CLDN16: variants seen among roughly 807,000 people sequenced by gnomAD.
The protein encoded by CLDN16 is claudin-16.
CLDN16 carries 13 observed loss-of-function variants against 24.6 expected under a neutral mutation model. The ratio of observed to expected loss-of-function variants is 0.53; its 90% CI spans 0.34 to 0.84. The LOEUF (loss-of-function observed/expected upper bound fraction) is 0.84. Ranked by LOEUF, CLDN16 falls within the 40% of genes least tolerant of loss-of-function variation. The pLI, the probability that CLDN16 is intolerant of heterozygous loss-of-function variation, is 0.01. For synonymous variants in CLDN16, 116 were observed against 106.7 expected, an observed-to-expected ratio of 1.09 and a Z score of -0.54; for missense variants, 298 against 292.7, an observed-to-expected ratio of 1.02 and a Z score of -0.13.
At chr3:190,381,425 A>G (rs1193710747) in intron 3 of CLDN16, among the ~76,000 whole-genome samples, 1 of 152,134 alleles carries the variant, frequency 6.6e-6, no homozygotes, top group Non-Finnish European at 1.5e-5. Flanking sequence ...GGAACTGAAG[A>G]TCTTCCACAA....
chr3:190,406,408 T>G (rs1719097753), intron 3 of CLDN16, among the ~76,000 whole-genome samples: 1 of 152,228 alleles, frequency 6.6e-6, no homozygotes, highest in Admixed American at 6.5e-5. Flanking sequence ...TATTTACGGC[T>G]ATATAATTTT....
At chr3:190,346,887 C>G (rs774047672) in intron 1 of CLDN16, among the ~76,000 whole-genome samples, 1 of 152,148 alleles carries the variant, frequency 6.6e-6, no homozygotes, top group Non-Finnish European at 1.5e-5. Flanking sequence ...ATAAGGACAT[C>G]AGTTATTGTA....
intron 4 of CLDN16, among the ~76,000 whole-genome samples, chr3:190,409,450 T>C (rs980326976): frequency 8.6e-5 from 13 of 151,900 alleles, no homozygotes; most frequent in African/African-American, 3.1e-4. Context: ...TACATTTGAA[T>C]ATTGGACATG....
the CLDN16 span, among the ~76,000 whole-genome samples, chr3:190,315,822 T>C: frequency 6.6e-6 from 1 of 152,024 alleles, no homozygotes; most frequent in Non-Finnish European, 1.5e-5. Flanking sequence ...GATCGCAGAG[T>C]AGTCTTCAAG....
At chr3:190,392,045 A>C (rs1206931208) in intron 1 of CLDN16, among the ~76,000 whole-genome samples, 1 of 133,648 alleles carries the variant, frequency 7.5e-6, no homozygotes, top group African/African-American at 2.6e-5. Context: ...GTTGTTTCTA[A>C]GGTCCTTTTC....
the CLDN16 span, among the ~76,000 whole-genome samples, chr3:190,293,284 C>T: frequency 1.3e-5 from 2 of 152,150 alleles, no homozygotes; most frequent in Admixed American, 6.5e-5. Context: ...GGGAACCACC[C>T]CCATGATCCT....
chr3:190,317,544 A>G (rs1716802954), upstream of CLDN16, among the ~76,000 whole-genome samples: 1 of 152,236 alleles, frequency 6.6e-6, no homozygotes, highest in Non-Finnish European at 1.5e-5. Flanking sequence ...TAAAGCTTGA[A>G]AGTCTTGCTA....
chr3:190,387,889 GGA>G (rs1216230420), upstream of CLDN16: 2 of 572,986 alleles, frequency 3.5e-6, no homozygotes, highest in Admixed American at 6.0e-5. Flanking sequence ...CGAGTGGGGA[GGA>G]GAATAGCTCA....
chr3:190,348,251 CTCAAAAAAAAAAAAAAAAAAGAATAAA>C (rs1204356954), intron 1 of CLDN16, among the ~76,000 whole-genome samples: 1 of 53,592 alleles, frequency 1.9e-5, no homozygotes, highest in African/African-American at 9.6e-5. Context: ...AAGACTCCGT[CTCAAAAAAAAAAAAAAAAAAGAATAAA>C]TCAAAAAAAA....
At chr3:190,362,733 A>C (rs1329698212) in intron 1 of CLDN16, among the ~76,000 whole-genome samples, 1 of 152,026 alleles carries the variant, frequency 6.6e-6, no homozygotes, top group African/African-American at 2.4e-5. Context: ...CTTTATTTCA[A>C]AATGAATCTA....
At position 190,411,068 on chromosome 3, in the gene CLDN16, C is replaced by T. The variant is rs1047559982; in HGVS notation, c.*1032C>T. 17 of 152,204 alleles carry T rather than the reference C, an allele frequency of 1.1e-4. No individual in the cohort carries two copies. The highest frequency in any genetic ancestry group is 4.1e-4 in the African/African-American group (17 of 41,440). 9.4% of individuals were successfully genotyped at this position (152,204 alleles called of 1,614,324 possible). ...ACGAGGTCAAGAGACGGAGACCATC[C>T]TGGCTAACATGGTGAAACCCTGTCT... is the stretch of plus-strand genomic sequence containing the variant. On this transcript the variant is annotated 3_prime_UTR_variant, in exon 5 of 5. Coordinates refer to ENST00000264734, the MANE Select transcript of CLDN16 (RefSeq NM_006580.4).
intron 1 of CLDN16, among the ~76,000 whole-genome samples, chr3:190,345,546 A>G (rs972777990): frequency 3.3e-5 from 5 of 152,060 alleles, no homozygotes; most frequent in African/African-American, 1.2e-4. Flanking sequence ...CAGTTGTGTT[A>G]ATCTCATATT....
chr3:190,295,696 C>CT, the CLDN16 span, among the ~76,000 whole-genome samples: 31 of 152,170 alleles, frequency 2.0e-4, no homozygotes, highest in African/African-American at 6.7e-4. Flanking sequence ...CAAAACTCTT[C>CT]TTTTTTACAG....
intron 3 of CLDN16, among the ~76,000 whole-genome samples, chr3:190,406,241 G>A (rs1465815062): frequency 3.3e-5 from 5 of 152,126 alleles, no homozygotes; most frequent in African/African-American, 7.2e-5. Context: ...TTAAGTCAAC[G>A]TCCTAATAAT....
intron 1 of CLDN16, among the ~76,000 whole-genome samples, chr3:190,345,090 T>C (rs892718848): frequency 2.6e-5 from 4 of 152,124 alleles, no homozygotes; most frequent in African/African-American, 9.7e-5. Flanking sequence ...GACACCCCTC[T>C]CCACCTAACA....
upstream of CLDN16, among the ~76,000 whole-genome samples, chr3:190,384,645 T>C (rs1053934152): frequency 1.3e-5 from 2 of 152,132 alleles, no homozygotes; most frequent in Non-Finnish European, 2.9e-5. Context: ...TAGGACACTT[T>C]TGCCAGCCTA....
chr3:190,294,330 C>T, the CLDN16 span, among the ~76,000 whole-genome samples: 4 of 152,070 alleles, frequency 2.6e-5, no homozygotes, highest in Admixed American at 1.3e-4. Context: ...TCAGAGCACA[C>T]CACATGTAGT....
intron 1 of CLDN16, among the ~76,000 whole-genome samples, chr3:190,343,065 G>A (rs1025543591): frequency 6.6e-6 from 1 of 152,082 alleles, no homozygotes; most frequent in South Asian, 2.1e-4. Context: ...ATGTATCAGA[G>A]AAAGGGTTAA....
At chr3:190,297,589 AT>A in the CLDN16 span, among the ~76,000 whole-genome samples, 2 of 137,092 alleles carry the variant, frequency 1.5e-5, no homozygotes, top group South Asian at 2.2e-4. Context: ...TATAATATAT[AT>A]CTATATAATA....
Sources: gnomAD v4.1 joint callset for allele counts (sites outside exome capture counted in the v4.1 genomes callset) on GRCh38, gnomAD v4.1.1 for gene constraint, MANE v1.5 for transcripts, NCBI Gene and HGNC (gene_info 2026-07-23, HGNC 2026-07-21) for gene names.